The following WDPCP variants were observed in gnomAD, a reference collection of about 807,000 sequenced individuals.
The protein encoded by WDPCP is WD repeat containing planar cell polarity effector, also known as WD repeat-containing and planar cell polarity effector protein fritz homolog.
WDPCP carries 71 observed loss-of-function variants against 93.1 expected under a neutral mutation model. The observed-to-expected ratio is 0.76, with a 90% CI of 0.63 to 0.93. The LOEUF is 0.93. WDPCP is among the 40% of genes least tolerant of loss of function. WDPCP has a pLI of 0.00. For synonymous variants in WDPCP, 315 were observed against 315.0 expected, an observed-to-expected ratio of 1.00 and a Z score of 0.00; for missense variants, 844 against 887.4, an observed-to-expected ratio of 0.95 and a Z score of 0.62.
chr2:63,818,972 CTT>C (rs1181014516), intron 1 of WDPCP, among the ~76,000 whole-genome samples: 1 of 152,018 alleles, frequency 6.6e-6, no homozygotes, highest in Non-Finnish European at 1.5e-5. Flanking sequence ...ACAAACGTCT[CTT>C]GATATATATT....
chr2:63,136,746 G>A (rs930291563), intron 17 of WDPCP, among the ~76,000 whole-genome samples: 2 of 151,978 alleles, frequency 1.3e-5, no homozygotes, highest in Non-Finnish European at 2.9e-5. Context: ...ATGGTCTGTT[G>A]TTTCCCTCTA....
rs768410838 is a variant in WDPCP at position 63,142,865 on chromosome 2, CACACATACATATAT to C, written c.2190+10035_2190+10048del. ...GTGTGTGTGTACACACATATATATA[CACACATACATATAT>C]ACACATACATATATACACACATACA... On this transcript the variant is annotated intron_variant, in intron 17 of 17. Coordinates refer to ENST00000272321, the MANE Select transcript of WDPCP (RefSeq NM_015910.7). 1.1e-3 allele frequency among the ~76,000 whole-genome samples: 164 copies of C among 148,900 alleles called. 1 individual carries two copies. Among genetic ancestry groups the C allele is most frequent in the Non-Finnish European group, 1.3e-3 (86 of 67,120 alleles).
chr2:63,315,209 A>G (rs1412953594), intron 12 of WDPCP, among the ~76,000 whole-genome samples: 1 of 152,190 alleles, frequency 6.6e-6, no homozygotes, highest in Non-Finnish European at 1.5e-5. Context: ...GACAACAAAT[A>G]AGGGGGAAAA....
intron 2 of WDPCP, among the ~76,000 whole-genome samples, chr2:63,688,354 G>C (rs1008401445): frequency 5.3e-5 from 8 of 151,978 alleles, no homozygotes; most frequent in Non-Finnish European, 1.2e-4. Flanking sequence ...GTGAACCTGG[G>C]AGGCGGAGCT....
At chr2:63,271,468 A>G (rs1682638071) in intron 13 of WDPCP, among the ~76,000 whole-genome samples, 2 of 152,128 alleles carry the variant, frequency 1.3e-5, no homozygotes, top group Admixed American at 6.5e-5. Context: ...TGGTGCCCAC[A>G]TGTACCACTG....
At chr2:63,276,920 T>C (rs953972654) in intron 13 of WDPCP, among the ~76,000 whole-genome samples, 1 of 152,146 alleles carries the variant, frequency 6.6e-6, no homozygotes, top group Non-Finnish European at 1.5e-5. Flanking sequence ...TTTAGGCACA[T>C]AGTCATCAAG....
At chr2:63,142,921 TATACACACACACAC>T (rs1187454098) in intron 17 of WDPCP, among the ~76,000 whole-genome samples, 148 of 76,608 alleles carry the variant, frequency 1.9e-3, no homozygotes, top group Non-Finnish European at 3.0e-3. Flanking sequence ...TACACATACA[TATACACACACACAC>T]ACACACACAC....
intron 2 of WDPCP, among the ~76,000 whole-genome samples, chr2:63,666,482 G>T (rs1223558605): frequency 6.6e-6 from 1 of 152,196 alleles, no homozygotes; most frequent in South Asian, 2.1e-4. Flanking sequence ...TAAAACTCCA[G>T]TTTGAAAGAA....
chr2:63,235,973 T>G lies in WDPCP; in HGVS notation c.1915+23334A>C, dbSNP rs375896856. Among the ~76,000 whole-genome samples, 11 of 152,244 alleles carry G rather than the reference T, an allele frequency of 7.2e-5. No individual in the cohort carries two copies. In the East Asian group the frequency reaches 1.2e-3, roughly 16 times the overall value. On this transcript the variant is annotated intron_variant, in intron 14 of 17. Coordinates refer to ENST00000272321, the MANE Select transcript of WDPCP (RefSeq NM_015910.7). ...CCCACACTCCCATTCAAAAAAGTAC[T>G]GGAAGCCCTAGTCAGAGAAATCAGG...
intron 7 of WDPCP, among the ~76,000 whole-genome samples, chr2:63,438,523 T>G (rs1349782384): frequency 6.6e-6 from 1 of 152,070 alleles, no homozygotes; most frequent in East Asian, 1.9e-4. Flanking sequence ...AACAAAATCA[T>G]CACAGCCAGT....
At chr2:63,165,493 A>C (rs1281246885) in intron 15 of WDPCP, among the ~76,000 whole-genome samples, 4 of 151,688 alleles carry the variant, frequency 2.6e-5, no homozygotes, top group Non-Finnish European at 4.4e-5. Context: ...CTTTATTTTC[A>C]ATGCTTTGGA....
chr2:63,571,420 A>G (rs1214536338), intron 1 of WDPCP: 2 of 466,090 alleles, frequency 4.3e-6, no homozygotes, highest in East Asian at 6.9e-5. Flanking sequence ...TCCATCTGGT[A>G]TCATTTCCTT....
At chr2:63,492,806 A>G (rs766439206) in intron 2 of WDPCP, 50 bp downstream of exon 2, 91 of 1,522,188 alleles carry the variant, frequency 6.0e-5, no homozygotes, top group Non-Finnish European at 7.9e-5. Flanking sequence ...CTTATTTATA[A>G]TGGTGTAACA....
At chr2:63,775,724 C>T (rs1670292642) in intron 2 of WDPCP, among the ~76,000 whole-genome samples, 1 of 152,182 alleles carries the variant, frequency 6.6e-6, no homozygotes, top group South Asian at 2.1e-4. Flanking sequence ...TAAATAAATA[C>T]ACAAACATTC....
intron 3 of WDPCP, among the ~76,000 whole-genome samples, chr2:63,625,648 T>A (rs1709802282): frequency 6.6e-6 from 1 of 152,122 alleles, no homozygotes; most frequent in African/African-American, 2.4e-5. Context: ...GTGAAGGACC[T>A]CTTCAAGGGG....
chr2:63,635,198 C>T (rs965158175), intron 3 of WDPCP, among the ~76,000 whole-genome samples: 5 of 151,886 alleles, frequency 3.3e-5, no homozygotes, highest in African/African-American at 9.7e-5. Flanking sequence ...TCTGAATAGA[C>T]ATAAATAATA....
At chr2:63,348,654 G>T (rs982655257) in intron 12 of WDPCP, among the ~76,000 whole-genome samples, 1 of 151,774 alleles carries the variant, frequency 6.6e-6, no homozygotes, top group Admixed American at 6.6e-5. Flanking sequence ...AAATGACTAC[G>T]GATATTATAA....
chr2:63,753,781 A>G (rs1172564784), intron 2 of WDPCP, among the ~76,000 whole-genome samples: 2 of 152,340 alleles, frequency 1.3e-5, no homozygotes, highest in African/African-American at 4.8e-5. Flanking sequence ...AGAAATTACA[A>G]TTCGACATGA....
chr2:63,587,627 T>A (rs1195250133), intron 1 of WDPCP, among the ~76,000 whole-genome samples: 1 of 152,250 alleles, frequency 6.6e-6, no homozygotes, highest in Admixed American at 6.5e-5. Context: ...CCGAGCATCA[T>A]ATCTTCCTTT....
Sources: allele counts gnomAD v4.1 joint callset (sites outside exome capture counted in the v4.1 genomes callset), GRCh38; gene constraint gnomAD v4.1.1; transcripts MANE v1.5; gene names NCBI Gene and HGNC (gene_info 2026-07-23, HGNC 2026-07-21).